The following VAV2 variants were observed in gnomAD, a reference collection of about 807,000 sequenced individuals.
VAV2 encodes the protein vav guanine nucleotide exchange factor 2.
A neutral mutation model predicts 132.5 loss-of-function variants in VAV2; 67 were observed. That is an observed-to-expected ratio of 0.51 (90% CI 0.42 to 0.62). VAV2 has a LOEUF of 0.62. Among genes scored for constraint, VAV2 ranks in the 20% least tolerant of loss-of-function variants. The probability of loss-of-function intolerance (pLI) is 0.00; values close to 1 mark genes in which losing one functional copy is unlikely to be tolerated. For missense variants in VAV2, 938 were observed against 1,153.6 expected, an observed-to-expected ratio of 0.81 and a Z score of 2.71; for synonymous variants, 492 against 443.5, an observed-to-expected ratio of 1.11 and a Z score of -1.37.
intron 1 of VAV2, among the ~76,000 whole-genome samples, chr9:133,979,121 G>A (rs1222523778): frequency 1.3e-5 from 2 of 152,238 alleles, no homozygotes; most frequent in Admixed American, 6.5e-5. Flanking sequence ...TTTCGTGCCA[G>A]GGGTGGTGGT....
At chr9:133,983,075 CA>C (rs1842748627) in intron 1 of VAV2, among the ~76,000 whole-genome samples, 1 of 152,208 alleles carries the variant, frequency 6.6e-6, no homozygotes, top group African/African-American at 2.4e-5. Flanking sequence ...GAAGTGACTT[CA>C]GGGGCAGTCA....
intron 16 of VAV2, 98 bp from the exon 17 acceptor site, chr9:133,785,983 T>G: frequency 9.4e-7 from 1 of 1,063,126 alleles, no homozygotes; most frequent in South Asian, 1.3e-5. Flanking sequence ...TGTGCACGTG[T>G]GTATATGCAT....
At position 133,783,601 on chromosome 9, in the gene VAV2, G is replaced by T. The variant is rs770104994; in HGVS notation, c.1635-10C>A. Reference sequence around the variant, plus strand: ...CTGGTAGAAGGTGCCCCTGCACAGGGGAGGGCAGGAGGTGAGGTCGAGGCT... The same window carrying T: ...CTGGTAGAAGGTGCCCCTGCACAGGTGAGGGCAGGAGGTGAGGTCGAGGCT... On this transcript the variant is annotated splice_polypyrimidine_tract_variant and intron_variant, in intron 18 of 29. Transcript: ENST00000371850. 7.4e-6 allele frequency: 12 copies of T among 1,613,766 alleles called. No individual in the cohort carries two copies. Among genetic ancestry groups the T allele is most frequent in the Non-Finnish European group, 9.3e-6 (11 of 1,179,838 alleles).
At position 133,935,897 on chromosome 9, in the gene VAV2, T is replaced by G. The variant is rs1840891587; in HGVS notation, c.321+3206A>C. Among the ~76,000 whole-genome samples, 1 of 152,096 alleles carries G rather than the reference T, an allele frequency of 6.6e-6. No individual in the cohort carries two copies. The highest frequency in any genetic ancestry group is 2.1e-4 in the South Asian group (1 of 4,824). On this transcript the variant is annotated intron_variant, in intron 2 of 29. Transcript: ENST00000371850. The surrounding 1 kb of genome is among the most constrained non-coding windows in gnomAD (Gnocchi z 5.2). ...CAGCACACGGTCCCAGGGGGCCCGGTCCCCAGCCAGCTGTCCCTGACACAC... is the reference window on the plus strand; with the variant it reads ...CAGCACACGGTCCCAGGGGGCCCGGGCCCCAGCCAGCTGTCCCTGACACAC...
intron 21 of VAV2, among the ~76,000 whole-genome samples, chr9:133,779,609 G>A (rs576618116): frequency 2.6e-5 from 4 of 152,386 alleles, no homozygotes; most frequent in African/African-American, 7.2e-5. Flanking sequence ...GAGAACAGCA[G>A]CGCCTTTTGA....
chr9:133,981,545 G>A (rs545414781), intron 1 of VAV2, among the ~76,000 whole-genome samples: 4 of 152,232 alleles, frequency 2.6e-5, no homozygotes, highest in Non-Finnish European at 5.9e-5. Flanking sequence ...TGAGGGTGCC[G>A]AGTCCTGAGG....
chr9:133,965,601 A>T (rs1426560059), intron 1 of VAV2, among the ~76,000 whole-genome samples: 1 of 152,122 alleles, frequency 6.6e-6, no homozygotes, highest in Non-Finnish European at 1.5e-5. Context: ...TCCCTACAAG[A>T]GAAACTGTAA....
chr9:133,893,681 C>A (rs149354213), intron 2 of VAV2, among the ~76,000 whole-genome samples: 4 of 152,228 alleles, frequency 2.6e-5, no homozygotes, highest in African/African-American at 9.6e-5. Flanking sequence ...GGAGCCCAAG[C>A]CTTCCTCCGT....
At chr9:133,968,811 G>A (rs1307693192) in intron 1 of VAV2, among the ~76,000 whole-genome samples, 1 of 152,174 alleles carries the variant, frequency 6.6e-6, no homozygotes, top group African/African-American at 2.4e-5. Context: ...CAGATCTGGA[G>A]GGTGTCTCGA....
Position 133,787,231 on chromosome 9 carries a change from G to T in VAV2, c.1422+15C>A, listed in dbSNP as rs765160201. On this transcript the variant is annotated intron_variant, in intron 16 of 29. Coordinates refer to ENST00000371850, the MANE Select transcript of VAV2 (RefSeq NM_001134398.2). Reference sequence around the variant, plus strand: ...GATTGAGGCAGGTGGGAGGACCTGGGCGCTAGGTGCTTACCATTTTCCCGT... The same window carrying T: ...GATTGAGGCAGGTGGGAGGACCTGGTCGCTAGGTGCTTACCATTTTCCCGT... 1 of 1,577,824 alleles carries T rather than the reference G, an allele frequency of 6.3e-7. No homozygotes were observed. The highest frequency in any genetic ancestry group is 2.3e-5 in the East Asian group (1 of 43,356).
intron 3 of VAV2, among the ~76,000 whole-genome samples, chr9:133,853,067 A>T (rs1335136875): frequency 6.6e-6 from 1 of 152,116 alleles, no homozygotes; most frequent in Non-Finnish European, 1.5e-5. Flanking sequence ...AGGTGGCAAG[A>T]CTGGATTCCA....
chr9:133,950,730 T>C (rs1841530936), intron 1 of VAV2, among the ~76,000 whole-genome samples: 2 of 152,094 alleles, frequency 1.3e-5, no homozygotes, highest in South Asian at 4.2e-4. Flanking sequence ...GCCCTCCGGG[T>C]TGCTCTCATA....
rs771012644 is a variant in VAV2, at chr9:133,788,578, C to G, written c.1275-92G>C. 2.0e-6 allele frequency: 3 copies of G among 1,529,562 alleles called. No homozygotes were observed. Among genetic ancestry groups the G allele is most frequent in the Admixed American group, 1.8e-5 (1 of 56,652 alleles). 94.7% of individuals were successfully genotyped at this position (1,529,562 alleles called of 1,614,324 possible). Reference sequence around the variant, plus strand: ...AGGAGCTGAGCCTGAGGCTCTGGCACGCGGCTCCCTCTCCGGGCGAGCCCT... The same window carrying G: ...AGGAGCTGAGCCTGAGGCTCTGGCAGGCGGCTCCCTCTCCGGGCGAGCCCT... On this transcript the variant is annotated intron_variant, in intron 14 of 29. Coordinates refer to ENST00000371850, the MANE Select transcript of VAV2 (RefSeq NM_001134398.2). This position sits in a 1 kb window ranked among gnomAD's most constrained non-coding sequence, Gnocchi z 5.3.
In VAV2 at chr9:133,991,870, A is replaced by G. The variant is rs545296207; in HGVS notation, c.204+205T>C. ...GGCGGCGGCGGCGCGACCCAGGCTG[A>G]GGGGACTTTGGCCAACTTCGCGCCT... On this transcript the variant is annotated intron_variant, in intron 1 of 29. Transcript: ENST00000371850. The surrounding 1 kb of genome is among the most constrained non-coding windows in gnomAD (Gnocchi z 4.8). 8.2e-3 allele frequency among the ~76,000 whole-genome samples: 1,228 copies of G among 150,480 alleles called. 19 individuals carry two copies. Among genetic ancestry groups the G allele is most frequent in the African/African-American group, 0.029 (1,181 of 41,154 alleles).
At chr9:133,986,481 G>C (rs1842859468) in intron 1 of VAV2, among the ~76,000 whole-genome samples, 1 of 152,174 alleles carries the variant, frequency 6.6e-6, no homozygotes, top group South Asian at 2.1e-4. Context: ...GAAGTGGACG[G>C]GTCACGGATT....
intron 2 of VAV2, among the ~76,000 whole-genome samples, chr9:133,914,809 A>ATAAGGG (rs1840014052): frequency 8.1e-4 from 1 of 1,242 alleles, no homozygotes. Flanking sequence ...AGGGGAAGGG[A>ATAAGGG]GAAGGGGAGG....
intron 2 of VAV2, among the ~76,000 whole-genome samples, chr9:133,933,481 GTGGATGGATGGATGGA>G: frequency 6.8e-6 from 1 of 147,600 alleles, no homozygotes; most frequent in East Asian, 2.1e-4. Flanking sequence ...GAATGGATGA[GTGGATGGATGGATGGA>G]TGGATGGTGA....
chr9:133,882,333 G>A (rs1564432715), intron 2 of VAV2, among the ~76,000 whole-genome samples: 1 of 152,232 alleles, frequency 6.6e-6, no homozygotes, highest in Non-Finnish European at 1.5e-5. Context: ...GCCCTGCTGT[G>A]CCTGGCCCGA....
rs546368240 is a variant in VAV2, at chr9:133,919,869, C to T, written c.321+19234G>A. Among the ~76,000 whole-genome samples, 34 of 152,186 alleles carry T rather than the reference C, an allele frequency of 2.2e-4. No individual in the cohort carries two copies. Among genetic ancestry groups the T allele is most frequent in the Admixed American group, 1.2e-3 (18 of 15,282 alleles). On this transcript the variant is annotated intron_variant, in intron 2 of 29. Transcript: ENST00000371850. The surrounding 1 kb of genome is among the most constrained non-coding windows in gnomAD (Gnocchi z 5.8). ...CCTCACCCACCACCCAACCGCATGT[C>T]CTCCGCGGAGCCCAGAGTCAGTTCT...
Sources: allele counts gnomAD v4.1 joint callset (sites outside exome capture counted in the v4.1 genomes callset), GRCh38; gene constraint gnomAD v4.1.1; non-coding constraint Gnocchi (gnomAD v3.1); transcripts MANE v1.5; gene names NCBI Gene and HGNC (gene_info 2026-07-23, HGNC 2026-07-21).